TMEM178B: variants seen among roughly 807,000 people sequenced by gnomAD.
TMEM178B encodes transmembrane protein 178B.
A neutral mutation model predicts 31.0 loss-of-function variants in TMEM178B; 5 were observed. That is an observed-to-expected ratio of 0.16 (90% CI 0.08 to 0.34). The LOEUF is 0.34. Among genes scored for constraint, TMEM178B ranks in the 10% least tolerant of loss-of-function variants. The pLI is 1.00. For missense variants in TMEM178B, 275 were observed against 400.3 expected, an observed-to-expected ratio of 0.69 and a Z score of 2.67; for synonymous variants, 164 against 164.0, an observed-to-expected ratio of 1.00 and a Z score of 0.00.
In TMEM178B at chr7:141,406,243, TC is replaced by T. The variant is rs540444623; in HGVS notation, c.497-31363del. Among the ~76,000 whole-genome samples, 350 of 152,326 alleles carry T rather than the reference TC, an allele frequency of 2.3e-3. 5 individuals are homozygous for T. The highest frequency in any genetic ancestry group is 3.9e-3 in the Admixed American group (60 of 15,310). On this transcript the variant is annotated intron_variant, in intron 2 of 3. Transcript: ENST00000565468. Reference sequence around the variant, plus strand: ...CTTAGGAAGGTCCCTGGCTCTGGCTTCCATCTCTCTGCATTCTGGCCTCTTC... The same window carrying T: ...CTTAGGAAGGTCCCTGGCTCTGGCTTCATCTCTCTGCATTCTGGCCTCTTC...
chr7:141,367,462 A>G lies in TMEM178B; in HGVS notation c.497-70146A>G, dbSNP rs540747609. ...GCTAATTTTTGTATTTTTAGTAGAG[A>G]TGGGGTTTCGCCCTGTTAGCCAGGC... On this transcript the variant is annotated intron_variant, in intron 2 of 3. Transcript: ENST00000565468. 1.2e-4 allele frequency among the ~76,000 whole-genome samples: 18 copies of G among 151,984 alleles called. No individual in the cohort carries two copies. In the South Asian group the frequency reaches 3.7e-3, roughly 32 times the overall value.
At chr7:141,346,081 C>T (rs1345744821) in intron 2 of TMEM178B, among the ~76,000 whole-genome samples, 1 of 151,730 alleles carries the variant, frequency 6.6e-6, no homozygotes, top group African/African-American at 2.4e-5. Flanking sequence ...ATTAGCCGGG[C>T]GTGGTGGCGG....
At chr7:141,163,881 A>G (rs749435596) in intron 1 of TMEM178B, among the ~76,000 whole-genome samples, 7 of 152,238 alleles carry the variant, frequency 4.6e-5, no homozygotes, top group Middle Eastern at 3.2e-3. Context: ...ATAATCATTT[A>G]TACATAGATA....
intron 2 of TMEM178B, among the ~76,000 whole-genome samples, chr7:141,287,797 C>T (rs1798471045): frequency 6.6e-6 from 1 of 152,192 alleles, no homozygotes; most frequent in Admixed American, 6.5e-5. Context: ...AACTGTTCTC[C>T]TATTATCCTT....
At position 141,477,552 on chromosome 7, in the gene TMEM178B, T is replaced by G. The variant is rs1802395918; in HGVS notation, c.*6766T>G. On this transcript the variant is annotated 3_prime_UTR_variant, in exon 4 of 4. Coordinates refer to ENST00000565468, the MANE Select transcript of TMEM178B (RefSeq NM_001195278.2). Reference sequence around the variant, plus strand: ...TAAATCAGCAATGTTTGAAGGGTCATGGCAAGGGTCATGACAAAGACCTGA... The same window carrying G: ...TAAATCAGCAATGTTTGAAGGGTCAGGGCAAGGGTCATGACAAAGACCTGA... 1 of 152,114 alleles carries G rather than the reference T, an allele frequency of 6.6e-6. No individual in the cohort carries two copies. The highest frequency in any genetic ancestry group is 1.5e-5 in the Non-Finnish European group (1 of 68,038). The allele number at this position is 152,114 out of a possible 1,614,324, so 9.4% of individuals were successfully genotyped here. A position where few individuals can be genotyped will look rare whatever the true frequency, so the allele number is the denominator to read the frequency against.
chr7:141,509,872 T>C, the TMEM178B span, among the ~76,000 whole-genome samples: 1 of 152,162 alleles, frequency 6.6e-6, no homozygotes, highest in Non-Finnish European at 1.5e-5. Flanking sequence ...CCTCCGCATG[T>C]CCTTTGGGAA....
intron 2 of TMEM178B, among the ~76,000 whole-genome samples, chr7:141,328,147 C>T (rs1378645230): frequency 1.3e-5 from 2 of 152,144 alleles, no homozygotes; most frequent in African/African-American, 4.8e-5. Context: ...AAGGTTGGCT[C>T]CTGAGGGAGA....
At chr7:141,201,793 G>A (rs1796881670) in intron 1 of TMEM178B, among the ~76,000 whole-genome samples, 1 of 152,176 alleles carries the variant, frequency 6.6e-6, no homozygotes, top group African/African-American at 2.4e-5. Context: ...AGGGAGCTAT[G>A]GAAGCAAACA....
intron 2 of TMEM178B, among the ~76,000 whole-genome samples, chr7:141,386,471 G>T (rs1800432509): frequency 6.6e-6 from 1 of 152,070 alleles, no homozygotes; most frequent in Non-Finnish European, 1.5e-5. Flanking sequence ...TTGGTTTTTT[G>T]TTTGTTTTCT....
intron 1 of TMEM178B, among the ~76,000 whole-genome samples, chr7:141,131,183 C>T (rs1795589406): frequency 1.3e-5 from 2 of 152,172 alleles, no homozygotes; most frequent in South Asian, 4.1e-4. Flanking sequence ...GTCCACCCAA[C>T]CTGATATTAT....
intron 1 of TMEM178B, among the ~76,000 whole-genome samples, chr7:141,115,847 T>C (rs1795309333): frequency 6.6e-6 from 1 of 152,238 alleles, no homozygotes; most frequent in Non-Finnish European, 1.5e-5. Flanking sequence ...ATTTTTATTA[T>C]AATGTTATTT....
chr7:141,114,076 A>G (rs767530594), intron 1 of TMEM178B, among the ~76,000 whole-genome samples: 15 of 152,258 alleles, frequency 9.9e-5, no homozygotes, highest in Non-Finnish European at 2.1e-4. Flanking sequence ...CCAGATGACC[A>G]CAGAAGAGCA....
chr7:141,372,890 C>G (rs1311580955), intron 2 of TMEM178B, among the ~76,000 whole-genome samples: 2 of 152,128 alleles, frequency 1.3e-5, no homozygotes, highest in African/African-American at 2.4e-5. Flanking sequence ...TGTGAGAAGA[C>G]TGGAGGCAGC....
At chr7:141,237,913 C>T (rs1213047734) in intron 2 of TMEM178B, among the ~76,000 whole-genome samples, 3 of 151,564 alleles carry the variant, frequency 2.0e-5, no homozygotes, top group Admixed American at 6.6e-5. Flanking sequence ...ATCTCAGCTA[C>T]TCGGGAGGCT....
chr7:141,496,773 C>CAAA, the TMEM178B span, among the ~76,000 whole-genome samples: 4,318 of 149,894 alleles, frequency 0.029, 167 homozygotes, highest in African/African-American at 0.089. Flanking sequence ...GGAATTACTG[C>CAAA]AAAAAAAATG....
intron 1 of TMEM178B, among the ~76,000 whole-genome samples, chr7:141,138,637 C>G (rs1241341319): frequency 6.6e-6 from 1 of 151,528 alleles, no homozygotes; most frequent in Non-Finnish European, 1.5e-5. Context: ...AAAAAAAAAA[C>G]CTGTTTCAAA....
At chr7:141,144,005 T>C (rs1187665778) in intron 1 of TMEM178B, among the ~76,000 whole-genome samples, 1 of 152,212 alleles carries the variant, frequency 6.6e-6, no homozygotes, top group Non-Finnish European at 1.5e-5. Flanking sequence ...ATTGCGTTCT[T>C]GATTTGGCTC....
At chr7:141,484,514 G>C (rs1034748629), downstream of TMEM178B, among the ~76,000 whole-genome samples, 2 of 152,098 alleles carry the variant, frequency 1.3e-5, no homozygotes, top group Non-Finnish European at 2.9e-5. The surrounding 1 kb of genome is among the most constrained non-coding windows in gnomAD (Gnocchi z 4.8). Context: ...ACCTAGGTGT[G>C]GTTTGAAAGA....
chr7:141,347,211 GA>G (rs938372764), intron 2 of TMEM178B, among the ~76,000 whole-genome samples: 3 of 152,128 alleles, frequency 2.0e-5, no homozygotes, highest in African/African-American at 7.2e-5. Context: ...GCGAGAACGA[GA>G]ACAGCCTAAT....
Sources: allele counts gnomAD v4.1 joint callset (sites outside exome capture counted in the v4.1 genomes callset), GRCh38; gene constraint gnomAD v4.1.1; non-coding constraint Gnocchi (gnomAD v3.1); transcripts MANE v1.5; gene names NCBI Gene and HGNC (gene_info 2026-07-23, HGNC 2026-07-21).